CPQ: variants seen among roughly 807,000 people sequenced by gnomAD.
CPQ encodes the protein carboxypeptidase Q, also known as Ser-Met dipeptidase.
Under a neutral mutation model 45.7 loss-of-function variants are expected in CPQ, and 37 were observed. The ratio of observed to expected loss-of-function variants is 0.81; its 90% CI spans 0.62 to 1.07. CPQ has a LOEUF of 1.07. Among genes scored for constraint, CPQ ranks in the 50% least tolerant of loss-of-function variants. The probability of loss-of-function intolerance (pLI) is 0.00; values close to 1 mark genes in which losing one functional copy is unlikely to be tolerated. For synonymous variants in CPQ, 186 were observed against 205.8 expected, an observed-to-expected ratio of 0.90 and a Z score of 0.82; for missense variants, 537 against 572.9, an observed-to-expected ratio of 0.94 and a Z score of 0.64.
At chr8:96,779,408 T>C (rs944487670) in intron 1 of CPQ, among the ~76,000 whole-genome samples, 19 of 152,190 alleles carry the variant, frequency 1.2e-4, no homozygotes, top group African/African-American at 4.6e-4. Context: ...TGAGTTTCTA[T>C]TTCGTGTAAA....
At chr8:96,967,539 G>A (rs1013820262) in intron 5 of CPQ, among the ~76,000 whole-genome samples, 1 of 152,150 alleles carries the variant, frequency 6.6e-6, no homozygotes, top group African/African-American at 2.4e-5. Flanking sequence ...TCAGTTGCAT[G>A]GACAAATGTT....
At chr8:97,063,613 A>C (rs1021454349) in intron 6 of CPQ, among the ~76,000 whole-genome samples, 3 of 152,052 alleles carry the variant, frequency 2.0e-5, no homozygotes, top group Non-Finnish European at 4.4e-5. Flanking sequence ...CTTCACATTT[A>C]AGTCTTTAAT....
intron 6 of CPQ, among the ~76,000 whole-genome samples, chr8:97,036,198 A>AC (rs1334993726): frequency 6.6e-6 from 1 of 152,180 alleles, no homozygotes; most frequent in Admixed American, 6.5e-5. Context: ...TCCCAAGAAC[A>AC]CATGGGGGCT....
chr8:96,659,092 G>A (rs1815669545), intron 1 of CPQ, among the ~76,000 whole-genome samples: 1 of 152,180 alleles, frequency 6.6e-6, no homozygotes, highest in African/African-American at 2.4e-5. Flanking sequence ...TAAATGCTCA[G>A]TTAGTATTAG....
At chr8:97,122,936 TAAAATAAAATAAAATA>T in intron 7 of CPQ, among the ~76,000 whole-genome samples, 1 of 43,646 alleles carries the variant, frequency 2.3e-5, no homozygotes, top group Admixed American at 3.5e-4. Context: ...ATAAATAAAA[TAAAATAAAATAAAATA>T]AAATAAAATA....
chr8:96,824,070 G>T (rs1321736871), intron 2 of CPQ, among the ~76,000 whole-genome samples: 1 of 151,968 alleles, frequency 6.6e-6, no homozygotes, highest in African/African-American at 2.4e-5. Flanking sequence ...AGTGGAGATG[G>T]CCTCTAAATT....
chr8:96,666,882 G>A (rs187698709), intron 1 of CPQ, among the ~76,000 whole-genome samples: 3 of 152,210 alleles, frequency 2.0e-5, no homozygotes, highest in Admixed American at 2.0e-4. Context: ...CTCTTGGTGA[G>A]GTACCAGTGT....
intron 1 of CPQ, among the ~76,000 whole-genome samples, chr8:96,703,008 G>C (rs1316353290): frequency 6.6e-6 from 1 of 152,132 alleles, no homozygotes. Context: ...TGTTGGTTGT[G>C]AGTACAATGT....
chr8:97,002,392 G>C (rs1809299960), intron 5 of CPQ, among the ~76,000 whole-genome samples: 1 of 152,044 alleles, frequency 6.6e-6, no homozygotes, highest in Non-Finnish European at 1.5e-5. Flanking sequence ...TTTGGATGTG[G>C]GCATTTAGTG....
At chr8:96,903,703 T>C (rs946501616) in intron 4 of CPQ, among the ~76,000 whole-genome samples, 2 of 152,162 alleles carry the variant, frequency 1.3e-5, no homozygotes, top group Non-Finnish European at 2.9e-5. Flanking sequence ...AGCTAATGAG[T>C]GCTAGCACCA....
chr8:97,016,758 G>T, intron 5 of CPQ, among the ~76,000 whole-genome samples: 1 of 152,156 alleles, frequency 6.6e-6, no homozygotes, highest in East Asian at 1.9e-4. Context: ...AGGTGAAGAG[G>T]TATTCTAGAT....
At chr8:96,742,389 T>A (rs528174320) in intron 1 of CPQ, among the ~76,000 whole-genome samples, 11 of 152,348 alleles carry the variant, frequency 7.2e-5, no homozygotes, top group Admixed American at 7.2e-4. Context: ...GAGATGGGTT[T>A]CCTGAATACA....
At chr8:97,120,298 G>A (rs1466369642) in intron 7 of CPQ, among the ~76,000 whole-genome samples, 1 of 151,504 alleles carries the variant, frequency 6.6e-6, no homozygotes, top group East Asian at 1.9e-4. Context: ...CCAGATTTAT[G>A]GCATAGATAA....
intron 1 of CPQ, among the ~76,000 whole-genome samples, chr8:96,742,717 T>C (rs1383565269): frequency 6.6e-6 from 1 of 152,170 alleles, no homozygotes; most frequent in Non-Finnish European, 1.5e-5. Context: ...AAGTATTTTA[T>C]TTCTCCTTAA....
intron 4 of CPQ, among the ~76,000 whole-genome samples, chr8:96,956,082 C>G (rs527848624): frequency 6.6e-6 from 1 of 152,304 alleles, no homozygotes; most frequent in African/African-American, 2.4e-5. Context: ...TCAGAGTGAA[C>G]AGGCAACCTA....
intron 4 of CPQ, among the ~76,000 whole-genome samples, chr8:96,942,929 A>G (rs1027789700): frequency 6.6e-6 from 1 of 152,106 alleles, no homozygotes; most frequent in Non-Finnish European, 1.5e-5. Flanking sequence ...ATGACTTTCA[A>G]TGTCACCTCT....
At chr8:97,028,851 C>G (rs1428565519) in intron 5 of CPQ, among the ~76,000 whole-genome samples, 2 of 152,156 alleles carry the variant, frequency 1.3e-5, no homozygotes, top group Non-Finnish European at 2.9e-5. Flanking sequence ...CCTTCTATTT[C>G]CAAGTAGGAG....
At chr8:96,965,150 T>A (rs548381506) in intron 4 of CPQ, among the ~76,000 whole-genome samples, 105 of 152,252 alleles carry the variant, frequency 6.9e-4, no homozygotes, top group Non-Finnish European at 1.1e-3. Context: ...AGCTATTTAT[T>A]TATTCAACAT....
At chr8:96,901,178 A>G (rs1812508553) in intron 4 of CPQ, among the ~76,000 whole-genome samples, 2 of 152,170 alleles carry the variant, frequency 1.3e-5, no homozygotes. Context: ...CTAATGATCA[A>G]TTCAGATGGG....
Sources: allele counts gnomAD v4.1 joint callset (sites outside exome capture counted in the v4.1 genomes callset), GRCh38; gene constraint gnomAD v4.1.1; transcripts MANE v1.5; gene names NCBI Gene and HGNC (gene_info 2026-07-23, HGNC 2026-07-21).